The following SLC35F1 variants were observed in gnomAD, a reference collection of about 807,000 sequenced individuals.
SLC35F1 encodes the protein solute carrier family 35 member F1, also known as chromosome 6 open reading frame 169.
In SLC35F1, 14 loss-of-function variants were observed where a neutral mutation model predicts 48.7. The ratio of observed to expected loss-of-function variants is 0.29; its 90% confidence interval spans 0.19 to 0.45. The LOEUF (loss-of-function observed/expected upper bound fraction) is 0.45. Ranked by LOEUF, SLC35F1 falls within the 20% of genes least tolerant of loss-of-function variation. The probability of loss-of-function intolerance (pLI) is 1.00; values close to 1 mark genes in which losing one functional copy is unlikely to be tolerated. For synonymous variants in SLC35F1, 190 were observed against 202.2 expected (o/e 0.94, Z 0.51); for missense variants, 404 against 500.0 (o/e 0.81, Z 1.83).
At chr6:118,213,135 C>T (rs1405162940) in intron 2 of SLC35F1, among the ~76,000 whole-genome samples, 1 of 152,144 alleles carries the variant, frequency 6.6e-6, no homozygotes. Flanking sequence ...CAGATTATCA[C>T]TTCTCAGCTC....
At chr6:118,069,842 G>C (rs1372377111) in intron 1 of SLC35F1, among the ~76,000 whole-genome samples, 2 of 152,174 alleles carry the variant, frequency 1.3e-5, no homozygotes, top group Admixed American at 1.3e-4. Context: ...GTTTCTGCAA[G>C]AATGTTCATT....
At chr6:118,028,118 A>G (rs1367030639) in intron 1 of SLC35F1, among the ~76,000 whole-genome samples, 1 of 152,156 alleles carries the variant, frequency 6.6e-6, no homozygotes, top group African/African-American at 2.4e-5. Flanking sequence ...TGCAAAATCC[A>G]AAATAGATAC....
At chr6:118,254,561 GAGC>G (rs1775618705) in intron 3 of SLC35F1, among the ~76,000 whole-genome samples, 1 of 152,040 alleles carries the variant, frequency 6.6e-6, no homozygotes, top group Non-Finnish European at 1.5e-5. Flanking sequence ...GTACAGATGT[GAGC>G]CACCACACCC....
At chr6:118,208,175 G>A (rs1011932014) in intron 2 of SLC35F1, among the ~76,000 whole-genome samples, 2 of 152,044 alleles carry the variant, frequency 1.3e-5, no homozygotes, top group African/African-American at 4.8e-5. Flanking sequence ...CCCGCTGCCT[G>A]CATGCAGGCC....
In SLC35F1 at chr6:118,267,123, A is replaced by G; in HGVS notation, c.606A>G (p.Ala202=). The G allele has an allele frequency of 6.2e-7, 1 of 1,613,970 alleles. No homozygotes were observed. Among genetic ancestry groups the G allele is most frequent in the Non-Finnish European group, 8.5e-7 (1 of 1,179,910 alleles). ...TGGGAATGGGCTGCATGGTGGGAGC[A>G]GATGTGCTTGTGGGAAGACATCAGG... ...CILGMGCMVG[A]DVLVGRHQGA... is the part of the protein sequence containing the mutation. The change falls in exon 4 of 8, where the codon GCA becomes GCG. Residue 202 remains alanine (A), a synonymous_variant. Coordinates refer to ENST00000360388, the MANE Select transcript of SLC35F1 (RefSeq NM_001029858.4).
At position 118,245,352 on chromosome 6, in the gene SLC35F1, C is replaced by T. The variant is rs187579018; in HGVS notation, c.477+9716C>T. ...TCAGCCTCTCAGACATCACAACCCC[C>T]ACACTCATATCTGAGATGGTCTGTG... On this transcript the variant is annotated intron_variant, in intron 3 of 7. Coordinates refer to ENST00000360388, the MANE Select transcript of SLC35F1 (RefSeq NM_001029858.4). 8.9e-4 allele frequency among the ~76,000 whole-genome samples: 136 copies of T among 152,324 alleles called. 1 individual carries two copies. The East Asian group carries it at 0.019, about 21-fold the overall frequency.
intron 1 of SLC35F1, among the ~76,000 whole-genome samples, chr6:117,914,802 G>C (rs1775807729): frequency 6.6e-6 from 1 of 152,022 alleles, no homozygotes; most frequent in African/African-American, 2.4e-5. Context: ...TGCCCAGGTA[G>C]AAGACTGAAA....
intron 1 of SLC35F1, among the ~76,000 whole-genome samples, chr6:117,908,483 A>AG: frequency 6.6e-6 from 1 of 152,336 alleles, no homozygotes; most frequent in Middle Eastern, 3.4e-3. Context: ...AGCAGCGAAG[A>AG]GAGGGCTAGA....
chr6:118,170,328 A>G (rs1774384198), intron 2 of SLC35F1, among the ~76,000 whole-genome samples: 1 of 152,236 alleles, frequency 6.6e-6, no homozygotes, highest in African/African-American at 2.4e-5. Context: ...AATAGATATA[A>G]CATGCTAATA....
chr6:117,929,287 T>C (rs1776069170), intron 1 of SLC35F1, among the ~76,000 whole-genome samples: 1 of 152,112 alleles, frequency 6.6e-6, no homozygotes. Flanking sequence ...TCCCTGGCAA[T>C]ACTCATTGTC....
At chr6:117,980,218 C>T (rs1219930699) in intron 1 of SLC35F1, among the ~76,000 whole-genome samples, 3 of 152,160 alleles carry the variant, frequency 2.0e-5, no homozygotes, top group African/African-American at 7.2e-5. Context: ...AAACCTCCCA[C>T]TGAGGTTTGG....
chr6:118,000,779 A>G (rs1354441301), intron 1 of SLC35F1, among the ~76,000 whole-genome samples: 1 of 152,236 alleles, frequency 6.6e-6, no homozygotes, highest in Admixed American at 6.5e-5. Context: ...ATGTACAAAA[A>G]TCACAAGCAT....
chr6:118,159,731 A>C (rs1176856958), intron 2 of SLC35F1, among the ~76,000 whole-genome samples: 1 of 152,186 alleles, frequency 6.6e-6, no homozygotes, highest in African/African-American at 2.4e-5. Context: ...TTTAAAGACA[A>C]AGGTGAAACT....
intron 6 of SLC35F1, 28 bp downstream of exon 6, chr6:118,277,574 CT>C (rs2114632969): frequency 6.2e-7 from 1 of 1,603,286 alleles, no homozygotes; most frequent in Non-Finnish European, 8.5e-7. Context: ...ATACGATGCT[CT>C]TTTTATAACC....
intron 3 of SLC35F1, among the ~76,000 whole-genome samples, chr6:118,254,551 G>T (rs975270084): frequency 6.6e-6 from 1 of 152,108 alleles, no homozygotes; most frequent in Non-Finnish European, 1.5e-5. Flanking sequence ...CAAAATGCTA[G>T]TACAGATGTG....
At chr6:118,248,337 T>G (rs572286881) in intron 3 of SLC35F1, among the ~76,000 whole-genome samples, 1 of 152,232 alleles carries the variant, frequency 6.6e-6, no homozygotes, top group Non-Finnish European at 1.5e-5. Context: ...CCCTATAATA[T>G]GTAAATATGT....
intron 7 of SLC35F1, among the ~76,000 whole-genome samples, chr6:118,293,140 C>T (rs1241453252): frequency 6.6e-6 from 1 of 152,106 alleles, no homozygotes; most frequent in Non-Finnish European, 1.5e-5. Flanking sequence ...AAACAAGACA[C>T]TGTTGAAATT....
chr6:118,054,684 A>C (rs1228762712), intron 1 of SLC35F1, among the ~76,000 whole-genome samples: 1 of 152,120 alleles, frequency 6.6e-6, no homozygotes, highest in Non-Finnish European at 1.5e-5. Flanking sequence ...GTTAGAACCG[A>C]TGGGTAGCAG....
chr6:118,231,007 CAA>C (rs1367989739), intron 2 of SLC35F1, among the ~76,000 whole-genome samples: 1 of 151,672 alleles, frequency 6.6e-6, no homozygotes, highest in South Asian at 2.1e-4. Flanking sequence ...AAAACAACAA[CAA>C]AAAAACAATA....
Sources: allele counts gnomAD v4.1 joint callset (sites outside exome capture counted in the v4.1 genomes callset), GRCh38; gene constraint gnomAD v4.1.1; transcripts MANE v1.5; gene names NCBI Gene and HGNC (gene_info 2026-07-23, HGNC 2026-07-21).